The following DOCK9 variants were observed in gnomAD, a reference collection of about 807,000 sequenced individuals.
DOCK9 encodes the protein dedicator of cytokinesis 9, also known as dedicator of cytokinesis protein 9.
In DOCK9, 89 loss-of-function variants were observed where a neutral mutation model predicts 263.3. The observed-to-expected ratio is 0.34, with a 90% CI of 0.28 to 0.40. The LOEUF (loss-of-function observed/expected upper bound fraction) is 0.40. Among genes scored for constraint, DOCK9 ranks in the 10% least tolerant of loss-of-function variants. The pLI is 1.00. For missense variants in DOCK9, 2,140 were observed against 2,603.4 expected, an observed-to-expected ratio of 0.82 and a Z score of 3.87; for synonymous variants, 976 against 973.1, an observed-to-expected ratio of 1.00 and a Z score of -0.06.
intron 27 of DOCK9, among the ~76,000 whole-genome samples, chr13:98,872,176 G>A (rs999954605): frequency 3.3e-5 from 5 of 152,182 alleles, no homozygotes; most frequent in African/African-American, 1.2e-4. Context: ...ACTCTCTGGT[G>A]TGGTTTAGAG....
At chr13:98,892,451 A>C (rs1374498273) in intron 15 of DOCK9, among the ~76,000 whole-genome samples, 2 of 152,078 alleles carry the variant, frequency 1.3e-5, no homozygotes, top group African/African-American at 2.4e-5. Flanking sequence ...TAATCTTCTA[A>C]CTGTGTTTTG....
At chr13:98,912,900 T>C (rs558491406) in intron 9 of DOCK9, among the ~76,000 whole-genome samples, 12 of 152,312 alleles carry the variant, frequency 7.9e-5, no homozygotes, top group African/African-American at 2.6e-4. Flanking sequence ...ATATTTTGTT[T>C]TGAGAAATTA....
At position 98,902,998 on chromosome 13, in the gene DOCK9, C is replaced by T. The variant is rs751143449; in HGVS notation, c.1150G>A (p.Glu384Lys). Residue 384 changes from glutamate (E) to lysine (K), a missense_variant, in exon 11 of 53, where the codon GAA becomes AAA. Glu to Lys is a moderately conservative substitution (Grantham distance 56). This residue lies in a region of DOCK9 where 1,521 missense variants were observed against 1,741.7 expected (regional missense o/e 0.87). Coordinates refer to ENST00000682017, the MANE Select transcript of DOCK9 (RefSeq NM_001366683.2). ...LSFNLQCCVA[E>K]NEEGPTTNVE... is the part of the protein sequence containing the mutation. ...TTTGTAGTGGGTCCTTCTTCATTTT[C>T]GGCAACACAGCATTGCAAATTGAAA... The T allele has an allele frequency of 1.3e-5, 20 of 1,511,784 alleles. No homozygotes were observed. The highest frequency in any genetic ancestry group is 2.5e-5 in the Admixed American group (1 of 39,686). 93.6% of individuals were successfully genotyped at this position (1,511,784 alleles called of 1,614,324 possible).
intron 1 of DOCK9, among the ~76,000 whole-genome samples, chr13:99,072,919 A>G (rs931593796): frequency 6.6e-6 from 1 of 152,170 alleles, no homozygotes; most frequent in African/African-American, 2.4e-5. Flanking sequence ...GGATTGCTTG[A>G]GCCCGGGAGG....
chr13:99,054,503 T>C (rs1020406905), intron 1 of DOCK9, among the ~76,000 whole-genome samples: 2 of 152,192 alleles, frequency 1.3e-5, no homozygotes, highest in African/African-American at 2.4e-5. Context: ...CAAGTCCACA[T>C]AAAGCAGTTA....
At chr13:98,980,724 A>G (rs1452866592), upstream of DOCK9, among the ~76,000 whole-genome samples, 2 of 152,218 alleles carry the variant, frequency 1.3e-5, no homozygotes, top group African/African-American at 4.8e-5. Context: ...TGACAATTCC[A>G]CCAACCGTGT....
chr13:99,063,527 G>T (rs1349584092), intron 1 of DOCK9, among the ~76,000 whole-genome samples: 1 of 152,152 alleles, frequency 6.6e-6, no homozygotes, highest in East Asian at 1.9e-4. Flanking sequence ...CTCCCAACCT[G>T]ACACCCCTTG....
rs528254122 is a variant in DOCK9 at position 98,901,136 on chromosome 13, G to A, written c.1503+642C>T. Among the ~76,000 whole-genome samples the A allele has an allele frequency of 3.6e-4, 55 of 152,342 alleles. 1 individual carries two copies. The South Asian group carries it at 0.011, about 32-fold the overall frequency. On this transcript the variant is annotated intron_variant, in intron 13 of 52. Transcript: ENST00000682017. Reference sequence around the variant, plus strand: ...CATGAGACACTGAGCAGATCACTAAGCCTTGGTGAGCCTCAGTGTCCTGAA... The same window carrying A: ...CATGAGACACTGAGCAGATCACTAAACCTTGGTGAGCCTCAGTGTCCTGAA...
intron 1 of DOCK9, among the ~76,000 whole-genome samples, chr13:99,030,313 C>G (rs1328397609): frequency 6.6e-6 from 1 of 152,140 alleles, no homozygotes; most frequent in Non-Finnish European, 1.5e-5. Flanking sequence ...TGAAATAAAT[C>G]ATAAGAAACC....
chr13:99,036,045 C>G (rs904010073), intron 1 of DOCK9, among the ~76,000 whole-genome samples: 1 of 152,176 alleles, frequency 6.6e-6, no homozygotes. Flanking sequence ...GCCTGCCTGC[C>G]TACCCTAGCC....
intron 21 of DOCK9, 43 bp downstream of exon 21, chr13:98,884,928 T>C (rs1394612767): frequency 6.3e-7 from 1 of 1,584,250 alleles, no homozygotes; most frequent in South Asian, 1.2e-5. Context: ...CTTTAATGTT[T>C]TCTGAAGAAA....
Position 98,855,894 on chromosome 13 carries a change from T to G in DOCK9, c.3831+4A>C. On this transcript the variant is annotated splice_donor_region_variant and intron_variant, in intron 34 of 52. Coordinates refer to ENST00000682017, the MANE Select transcript of DOCK9 (RefSeq NM_001366683.2). Reference sequence around the variant, plus strand: ...AACATTTGTGTTGGGTGAAAAGCAATTACCTTATCCAGGGAATTGCTCTTC... The same window carrying G: ...AACATTTGTGTTGGGTGAAAAGCAAGTACCTTATCCAGGGAATTGCTCTTC... The G allele has an allele frequency of 6.2e-7, 1 of 1,613,870 alleles. No homozygotes were observed. Among genetic ancestry groups the G allele is most frequent in the Non-Finnish European group, 8.5e-7 (1 of 1,179,808 alleles).
chr13:98,985,086 T>G, intron 1 of DOCK9, among the ~76,000 whole-genome samples: 1 of 57,176 alleles, frequency 1.7e-5, no homozygotes, highest in African/African-American at 7.0e-5. Context: ...GGGTGGGCAG[T>G]TGGGGGGGTG....
chr13:98,852,131 A>C (rs2093592213), intron 35 of DOCK9, among the ~76,000 whole-genome samples: 1 of 152,210 alleles, frequency 6.6e-6, no homozygotes, highest in Non-Finnish European at 1.5e-5. Flanking sequence ...AGAAAACTTT[A>C]AACAAAGGAA....
intron 1 of DOCK9, among the ~76,000 whole-genome samples, chr13:98,990,475 C>T (rs7991426): frequency 0.33 from 50,960 of 152,124 alleles, 8,934 homozygotes; most frequent in Middle Eastern, 0.45. Flanking sequence ...TTAAATAACA[C>T]GTTCCCCAAC....
intron 1 of DOCK9, among the ~76,000 whole-genome samples, chr13:99,028,994 GTTTT>G (rs1887062697): frequency 5.3e-5 from 8 of 152,188 alleles, no homozygotes; most frequent in African/African-American, 1.9e-4. Flanking sequence ...CCATATTTCT[GTTTT>G]ACCAGTTGGC....
At chr13:98,918,487 A>C (rs1324657178) in intron 7 of DOCK9, among the ~76,000 whole-genome samples, 1 of 152,218 alleles carries the variant, frequency 6.6e-6, no homozygotes, top group Non-Finnish European at 1.5e-5. Flanking sequence ...AAGCTTACCA[A>C]AGCATAAAAT....
At chr13:98,912,233 AT>A (rs757158416) in intron 9 of DOCK9, among the ~76,000 whole-genome samples, 3 of 152,206 alleles carry the variant, frequency 2.0e-5, no homozygotes, top group Non-Finnish European at 4.4e-5. Context: ...CAAAGAGTAC[AT>A]GTATAAGTCC....
intron 38 of DOCK9, among the ~76,000 whole-genome samples, chr13:98,842,605 C>T (rs540835795): frequency 2.6e-5 from 4 of 152,320 alleles, no homozygotes; most frequent in East Asian, 3.9e-4. Context: ...TTTTCAAACA[C>T]ATTTCACTAA....
Sources: gnomAD v4.1 joint callset for allele counts (sites outside exome capture counted in the v4.1 genomes callset) on GRCh38, gnomAD v4.1.1 for gene constraint, gnomAD v4.1.1 regional missense constraint, MANE v1.5 for transcripts, NCBI Gene and HGNC (gene_info 2026-07-23, HGNC 2026-07-21) for gene names.